Variants in SEM1 observed in about 807,000 individuals in gnomAD.
The protein encoded by SEM1 is 26S proteasome complex subunit SEM1.
A neutral mutation model predicts 12.7 loss-of-function variants in SEM1; 3 were observed. The ratio of observed to expected loss-of-function variants is 0.24; its 90% CI spans 0.11 to 0.61. The LOEUF (loss-of-function observed/expected upper bound fraction) is 0.61. SEM1 is among the 20% of genes least tolerant of loss of function. The probability of loss-of-function intolerance (pLI) is 0.88; values close to 1 mark genes in which losing one functional copy is unlikely to be tolerated. For synonymous variants in SEM1, 30 were observed against 27.8 expected, an observed-to-expected ratio of 1.08 and a Z score of -0.25; for missense variants, 59 against 81.3, an observed-to-expected ratio of 0.73 and a Z score of 1.06.
rs1456777209 is a variant in SEM1 at position 96,571,326 on chromosome 7, T to C, written c.171-64628A>G. ...TGCCTAGGTTTTCTTCTAGGGTTTTTATAGTTTTAGGTCATACATTTAAGT... is the reference window on the plus strand; with the variant it reads ...TGCCTAGGTTTTCTTCTAGGGTTTTCATAGTTTTAGGTCATACATTTAAGT... On this transcript the variant is annotated intron_variant and NMD_transcript_variant, in intron 2 of 3. Transcript: ENST00000466986. 3.3e-5 allele frequency among the ~76,000 whole-genome samples: 5 copies of C among 152,142 alleles called. No individual in the cohort carries two copies. The East Asian group carries it at 9.6e-4, about 29-fold the overall frequency.
chr7:96,603,176 A>G (rs1275854671), intron 2 of SEM1, among the ~76,000 whole-genome samples: 1 of 152,156 alleles, frequency 6.6e-6, no homozygotes, highest in Non-Finnish European at 1.5e-5. Flanking sequence ...GGCTTTGAGC[A>G]AGGCATATTT....
rs1804119547 is a variant in SEM1 at position 96,517,136 on chromosome 7, C to T, written c.171-10438G>A. Among the ~76,000 whole-genome samples, 4 of 152,262 alleles carry T rather than the reference C, an allele frequency of 2.6e-5. No homozygotes were observed. In the South Asian group the frequency reaches 8.3e-4, roughly 32 times the overall value. On this transcript the variant is annotated intron_variant and NMD_transcript_variant, in intron 2 of 3. Coordinates refer to the SEM1 transcript ENST00000466986. ...GAAGTGAAAATACTCTTCCATGATACTGTAATGGTGGATACATATCATAAT... is the reference window on the plus strand; with the variant it reads ...GAAGTGAAAATACTCTTCCATGATATTGTAATGGTGGATACATATCATAAT...
At chr7:96,617,346 T>G (rs1341842006) in intron 2 of SEM1, among the ~76,000 whole-genome samples, 1 of 152,196 alleles carries the variant, frequency 6.6e-6, no homozygotes, top group East Asian at 1.9e-4. Flanking sequence ...GGTTCTTAGC[T>G]AGATCATTGT....
chr7:96,503,787 C>G (rs145580720), intron 3 of SEM1, among the ~76,000 whole-genome samples: 19 of 152,240 alleles, frequency 1.2e-4, no homozygotes, highest in Non-Finnish European at 2.2e-4. Flanking sequence ...GTTACAGCTG[C>G]ATGAGCTCTG....
chr7:96,488,399 G>A (rs1322508676), intron 1 of SEM1, among the ~76,000 whole-genome samples: 1 of 152,154 alleles, frequency 6.6e-6, no homozygotes, highest in African/African-American at 2.4e-5. Context: ...GAGCGAGTAA[G>A]AGAAAGAGTT....
chr7:96,531,062 T>G (rs1804625798), intron 2 of SEM1, among the ~76,000 whole-genome samples: 1 of 152,116 alleles, frequency 6.6e-6, no homozygotes, highest in Non-Finnish European at 1.5e-5. Flanking sequence ...AAAGACTATC[T>G]TCTAGAGATT....
In SEM1 at chr7:96,640,975, G is replaced by A. The variant is rs1808572990; in HGVS notation, c.171-18332C>T. 6.6e-6 allele frequency among the ~76,000 whole-genome samples: 1 copy of A among 151,898 alleles called. No individual in the cohort carries two copies. The highest frequency in any genetic ancestry group is 1.5e-5 in the Non-Finnish European group (1 of 67,928). On this transcript the variant is annotated intron_variant, in intron 2 of 2. Transcript: ENST00000417009. This position sits in a 1 kb window ranked among gnomAD's most constrained non-coding sequence, Gnocchi z 4.0. ...GAGAAGACTCACTCAGAACTTCTAA[G>A]ACCAGCATTTCTTACCAGTAAACTT...
intron 2 of SEM1, among the ~76,000 whole-genome samples, chr7:96,627,150 T>C (rs997912694): frequency 6.6e-6 from 1 of 152,116 alleles, no homozygotes; most frequent in African/African-American, 2.4e-5. Flanking sequence ...TTGGATCTTC[T>C]CTTTTTTCTC....
chr7:96,689,899 T>C (rs575768944), intron 2 of SEM1, among the ~76,000 whole-genome samples: 2 of 152,126 alleles, frequency 1.3e-5, no homozygotes, highest in Non-Finnish European at 1.5e-5. Context: ...CTTTGGGCCC[T>C]TCCCCTGCCC....
intron 2 of SEM1, among the ~76,000 whole-genome samples, chr7:96,630,859 G>T (rs183765316): frequency 2.1e-4 from 32 of 151,576 alleles, no homozygotes; most frequent in South Asian, 1.9e-3. Flanking sequence ...AATTAATCCT[G>T]CCAGGAGTAG....
intron 2 of SEM1, among the ~76,000 whole-genome samples, chr7:96,541,428 T>TG (rs76273480): frequency 0.081 from 10,549 of 130,014 alleles, 1,388 homozygotes; most frequent in African/African-American, 0.29. Flanking sequence ...CACTTTTTAA[T>TG]GGGTTTTTTT....
At position 96,548,751 on chromosome 7, in the gene SEM1, A is replaced by C. The variant is rs1190160915; in HGVS notation, c.171-42053T>G. Among the ~76,000 whole-genome samples, 7 of 152,288 alleles carry C rather than the reference A, an allele frequency of 4.6e-5. No homozygotes were observed. In the East Asian group the frequency reaches 1.4e-3, roughly 29 times the overall value. On this transcript the variant is annotated intron_variant and NMD_transcript_variant, in intron 2 of 3. Coordinates refer to the SEM1 transcript ENST00000466986. Reference sequence around the variant, plus strand: ...CTTTCCCCGTTTTGCCCATTAAAGTATCTGTAGCGAGTAGAAGAGTGCCTA... The same window carrying C: ...CTTTCCCCGTTTTGCCCATTAAAGTCTCTGTAGCGAGTAGAAGAGTGCCTA...
intron 2 of SEM1, chr7:96,637,249 C>T (rs1808456912): frequency 6.6e-6 from 1 of 152,070 alleles, no homozygotes; most frequent in South Asian, 2.1e-4. Context: ...CATGTCTCTT[C>T]TGGCTGTCTC....
At chr7:96,504,214 C>T (rs1463298970) in intron 3 of SEM1, among the ~76,000 whole-genome samples, 1 of 152,056 alleles carries the variant, frequency 6.6e-6, no homozygotes, top group South Asian at 2.1e-4. Flanking sequence ...TGAACAAGTA[C>T]AGTTTCTGGA....
At chr7:96,630,581 T>C (rs892738223) in intron 2 of SEM1, among the ~76,000 whole-genome samples, 1 of 152,142 alleles carries the variant, frequency 6.6e-6, no homozygotes, top group Non-Finnish European at 1.5e-5. Context: ...AAGAGCCAAC[T>C]CCTGGAATTG....
At chr7:96,582,519 A>T (rs1165646052) in intron 2 of SEM1, among the ~76,000 whole-genome samples, 1 of 150,852 alleles carries the variant, frequency 6.6e-6, no homozygotes, top group African/African-American at 2.4e-5. Context: ...CTCTTTTTCT[A>T]TTGATTGGAA....
chr7:96,524,614 G>A (rs974204916), intron 2 of SEM1, among the ~76,000 whole-genome samples: 1 of 151,606 alleles, frequency 6.6e-6, no homozygotes, highest in African/African-American at 2.4e-5. Context: ...ATTTTTATAT[G>A]ATTAATAACA....
chr7:96,481,699 A>G (rs2117182720), exon 4 of SEM1: 1 of 152,316 alleles, frequency 6.6e-6, no homozygotes, highest in East Asian at 1.9e-4. Flanking sequence ...AATCCAAGTT[A>G]TAATTAATAT....
intron 2 of SEM1, among the ~76,000 whole-genome samples, chr7:96,637,937 A>C (rs1464006346): frequency 6.6e-6 from 1 of 151,972 alleles, no homozygotes; most frequent in Non-Finnish European, 1.5e-5. Flanking sequence ...ACCTTCCTTG[A>C]GCTTCCAAGG....
Sources: gnomAD v4.1 joint callset for allele counts (sites outside exome capture counted in the v4.1 genomes callset) on GRCh38, gnomAD v4.1.1 for gene constraint, Gnocchi (gnomAD v3.1) non-coding constraint, MANE v1.5 for transcripts, NCBI Gene and HGNC (gene_info 2026-07-23, HGNC 2026-07-21) for gene names.